Variants in PREP observed in about 807,000 individuals in gnomAD.
PREP encodes the protein prolyl endopeptidase.
PREP carries 29 observed loss-of-function variants against 87.6 expected under a neutral mutation model. The ratio of observed to expected loss-of-function variants is 0.33; its 90% confidence interval spans 0.25 to 0.45. The LOEUF (loss-of-function observed/expected upper bound fraction) is 0.45. Among genes scored for constraint, PREP ranks in the 20% least tolerant of loss-of-function variants. The pLI is 1.00. For missense variants in PREP, 695 were observed against 886.5 expected (o/e 0.78, Z 2.74); for synonymous variants, 337 against 328.6 (o/e 1.03, Z -0.28).
intron 1 of PREP, 89 bp from the exon 2 acceptor site, chr6:105,398,016 G>C: frequency 1.9e-6 from 2 of 1,047,846 alleles, no homozygotes; most frequent in South Asian, 3.0e-5. Flanking sequence ...AAATAGGAAA[G>C]GGATGGACAA....
At chr6:105,319,581 T>A (rs1430796053) in intron 10 of PREP, among the ~76,000 whole-genome samples, 1 of 152,214 alleles carries the variant, frequency 6.6e-6, no homozygotes, top group African/African-American at 2.4e-5. Context: ...CAGGCAACCA[T>A]CGCACAGGGT....
chr6:105,403,047 G>A lies in PREP; in HGVS notation c.-156C>T, dbSNP rs865941047. ...GCTCACGGCCAGAGCTAGCACAAACGGACTGGCGGCGCGGCGGCGAGGACG... is the reference window on the plus strand; with the variant it reads ...GCTCACGGCCAGAGCTAGCACAAACAGACTGGCGGCGCGGCGGCGAGGACG... On this transcript the variant is annotated 5_prime_UTR_variant, in exon 1 of 15. Transcript: ENST00000652536. The A allele has an allele frequency of 3.4e-6, 1 of 294,616 alleles. No homozygotes were observed. Among genetic ancestry groups the A allele is most frequent in the Non-Finnish European group, 6.2e-6 (1 of 161,542 alleles). The allele number at this position is 294,616 out of a possible 1,614,324, so 18.3% of individuals were successfully genotyped here.
At chr6:105,311,672 G>A (rs554117542) in intron 10 of PREP, among the ~76,000 whole-genome samples, 117 of 152,230 alleles carry the variant, frequency 7.7e-4, no homozygotes, top group Non-Finnish European at 1.4e-3. Flanking sequence ...TCTTCACGTC[G>A]CTGCTACATT....
At chr6:105,377,711 T>C (rs1772723029) in intron 2 of PREP, among the ~76,000 whole-genome samples, 192 bp from the exon 3 acceptor site, 1 of 152,234 alleles carries the variant, frequency 6.6e-6, no homozygotes, top group Non-Finnish European at 1.5e-5. Flanking sequence ...CTGATTAATA[T>C]GTAGTAACAA....
At chr6:105,389,116 G>C (rs1169116135) in intron 2 of PREP, among the ~76,000 whole-genome samples, 2 of 152,198 alleles carry the variant, frequency 1.3e-5, no homozygotes, top group African/African-American at 4.8e-5. Context: ...TAAGCAATTA[G>C]GAGACTAGAG....
At chr6:105,329,337 C>G (rs931757314) in intron 8 of PREP, among the ~76,000 whole-genome samples, 6 of 151,992 alleles carry the variant, frequency 3.9e-5, no homozygotes, top group African/African-American at 1.4e-4. Flanking sequence ...ATTTTTAGTA[C>G]AGACGGGGTT....
intron 2 of PREP, among the ~76,000 whole-genome samples, chr6:105,396,781 T>G (rs765887920): frequency 6.6e-6 from 1 of 152,068 alleles, no homozygotes; most frequent in African/African-American, 2.4e-5. Context: ...ACTGCAAATA[T>G]GTACTAAGTA....
chr6:105,386,128 AAG>A (rs763670315), intron 2 of PREP, among the ~76,000 whole-genome samples: 19 of 152,326 alleles, frequency 1.2e-4, no homozygotes, highest in Non-Finnish European at 2.5e-4. Flanking sequence ...CAAAGAAAGA[AAG>A]AAAAAAACCA....
At chr6:105,386,657 G>A (rs1470662613) in intron 2 of PREP, among the ~76,000 whole-genome samples, 1 of 152,164 alleles carries the variant, frequency 6.6e-6, no homozygotes, top group Admixed American at 6.6e-5. Flanking sequence ...AAAATGAAAG[G>A]TATTATAATT....
intron 5 of PREP, among the ~76,000 whole-genome samples, chr6:105,369,888 T>C (rs1051650279): frequency 4.6e-5 from 7 of 152,196 alleles, no homozygotes; most frequent in African/African-American, 1.4e-4. Flanking sequence ...TGACCAAAGA[T>C]ACACAGATGG....
chr6:105,293,796 A>G (rs1770350745), intron 10 of PREP, among the ~76,000 whole-genome samples: 1 of 152,210 alleles, frequency 6.6e-6, no homozygotes, highest in Admixed American at 6.5e-5. Context: ...CTTCAATAGA[A>G]GGGCAAATAA....
chr6:105,292,974 G>T (rs1310354810), intron 10 of PREP, among the ~76,000 whole-genome samples: 1 of 152,194 alleles, frequency 6.6e-6, no homozygotes, highest in Non-Finnish European at 1.5e-5. Flanking sequence ...CTTTGCTATG[G>T]ATTTGGCTTT....
At chr6:105,391,530 G>A (rs1192309095) in intron 2 of PREP, among the ~76,000 whole-genome samples, 1 of 152,180 alleles carries the variant, frequency 6.6e-6, no homozygotes, top group Non-Finnish European at 1.5e-5. Flanking sequence ...CCTGATTTCT[G>A]GAAGTCTCTG....
chr6:105,376,533 A>G (rs568467404), intron 3 of PREP, among the ~76,000 whole-genome samples: 16 of 152,350 alleles, frequency 1.1e-4, no homozygotes, highest in African/African-American at 3.8e-4. Context: ...TGTTAAAATA[A>G]AAATTGATAT....
Position 105,276,270 on chromosome 6 carries a change from G to A in PREP, c.*1874C>T, listed in dbSNP as rs1056994789. On this transcript the variant is annotated 3_prime_UTR_variant, in exon 15 of 15. Transcript: ENST00000652536. ...TGCTAGGCATTAAAAACGTATTACT[G>A]TATTCCTCCTCCTCCTCATCAGTTG... Among the ~76,000 whole-genome samples the A allele has an allele frequency of 8.5e-5, 13 of 152,226 alleles. No homozygotes were observed. Among genetic ancestry groups the A allele is most frequent in the Non-Finnish European group, 1.6e-4 (11 of 68,048 alleles).
chr6:105,398,704 T>C (rs111483793), intron 1 of PREP, among the ~76,000 whole-genome samples: 1,801 of 152,196 alleles, frequency 0.012, 22 homozygotes, highest in Admixed American at 0.022. Flanking sequence ...TGAAGGCGTT[T>C]GAAGGAGCAA....
intron 2 of PREP, among the ~76,000 whole-genome samples, chr6:105,381,282 G>A (rs1261464454): frequency 6.6e-6 from 1 of 152,188 alleles, no homozygotes; most frequent in Non-Finnish European, 1.5e-5. Context: ...GAAGGTGGTA[G>A]AAAATTTCTG....
intron 11 of PREP, among the ~76,000 whole-genome samples, chr6:105,286,647 G>T (rs1770193241): frequency 6.6e-6 from 1 of 151,996 alleles, no homozygotes; most frequent in African/African-American, 2.4e-5. Flanking sequence ...TAAACTGAAG[G>T]TTCTCAATGG....
chr6:105,384,563 C>T (rs1032333361), intron 2 of PREP, among the ~76,000 whole-genome samples: 2 of 152,214 alleles, frequency 1.3e-5, no homozygotes, highest in African/African-American at 4.8e-5. Flanking sequence ...TGCTAACTCC[C>T]TTCCACGTTG....
Sources: allele counts gnomAD v4.1 joint callset (sites outside exome capture counted in the v4.1 genomes callset), GRCh38; gene constraint gnomAD v4.1.1; transcripts MANE v1.5; gene names NCBI Gene and HGNC (gene_info 2026-07-23, HGNC 2026-07-21).